The following USP25 variants were observed in gnomAD, a reference collection of about 807,000 sequenced individuals.
The protein encoded by USP25 is ubiquitin specific peptidase 25, also known as ubiquitin carboxyl-terminal hydrolase 25.
USP25 carries 85 observed loss-of-function variants against 158.5 expected under a neutral mutation model. That is an observed-to-expected ratio of 0.54 (90% CI 0.45 to 0.64). The LOEUF is 0.64. Among genes scored for constraint, USP25 ranks in the 30% least tolerant of loss-of-function variants. The pLI, the probability that USP25 is intolerant of heterozygous loss-of-function variation, is 0.00. For missense variants in USP25, 1,242 were observed against 1,327.3 expected, an observed-to-expected ratio of 0.94 and a Z score of 1.00; for synonymous variants, 464 against 460.4, an observed-to-expected ratio of 1.01 and a Z score of -0.10.
intron 21 of USP25, 46 bp from the exon 22 acceptor site, chr21:15,866,220 T>TACAC (rs759596827): frequency 1.3e-5 from 15 of 1,117,368 alleles, no homozygotes; most frequent in Non-Finnish European, 1.9e-5. Context: ...TATATATATA[T>TACAC]ACACACACAT....
intron 7 of USP25, among the ~76,000 whole-genome samples, chr21:15,807,807 T>G (rs959811492): frequency 6.6e-6 from 1 of 152,310 alleles, no homozygotes; most frequent in South Asian, 2.1e-4. Context: ...TTCTAAATAG[T>G]GTCACATTTT....
intron 23 of USP25, among the ~76,000 whole-genome samples, chr21:15,871,497 C>T (rs2039883019): frequency 6.6e-6 from 1 of 152,060 alleles, no homozygotes; most frequent in South Asian, 2.1e-4. Flanking sequence ...ACACAGCTAA[C>T]TAGGAGAAGA....
At chr21:15,764,777 C>T (rs887260665) in intron 2 of USP25, among the ~76,000 whole-genome samples, 20 of 152,078 alleles carry the variant, frequency 1.3e-4, no homozygotes, top group African/African-American at 4.6e-4. Context: ...GGATGAGTCA[C>T]TTAGGAATCG....
intron 1 of USP25, among the ~76,000 whole-genome samples, chr21:15,745,451 A>ATTTTCT (rs1167438680): frequency 7.9e-6 from 1 of 126,668 alleles, no homozygotes; most frequent in South Asian, 2.6e-4. Context: ...TACTTTAACC[A>ATTTTCT]TTTTCTTTTT....
chr21:15,807,397 A>G (rs993546802), intron 7 of USP25, among the ~76,000 whole-genome samples: 2 of 152,246 alleles, frequency 1.3e-5, no homozygotes, highest in Non-Finnish European at 2.9e-5. Context: ...AAGTTATACA[A>G]AAGTATGAAA....
At chr21:15,831,365 T>C (rs2037792528) in intron 15 of USP25, 36 bp from the exon 16 acceptor site, 1 of 1,567,248 alleles carries the variant, frequency 6.4e-7, no homozygotes, top group Non-Finnish European at 8.8e-7. Flanking sequence ...GTAAACTACA[T>C]AATTGCAGTT....
chr21:15,788,417 TAGC>T (rs543741354), intron 4 of USP25, among the ~76,000 whole-genome samples: 71 of 152,240 alleles, frequency 4.7e-4, no homozygotes, highest in Non-Finnish European at 8.2e-4. Flanking sequence ...AACCAAGAAG[TAGC>T]AGCATTTAAT....
Position 15,864,414 on chromosome 21 carries a change from AT to A in USP25, c.2697del (p.Phe899LeufsTer6). The A allele has an allele frequency of 6.2e-7, 1 of 1,605,688 alleles. No individual in the cohort carries two copies. Among genetic ancestry groups the A allele is most frequent in the Non-Finnish European group, 8.5e-7 (1 of 1,177,886 alleles). Reference sequence around the variant, plus strand: ...TTATTGAGAAAACATTACTAGAACAATTTGGAGATAGAAATTTGAGTTTTGA... The same window carrying A: ...TTATTGAGAAAACATTACTAGAACAATTGGAGATAGAAATTTGAGTTTTGA... ...KIIEKTLLEQ[F>X]GDRNLSFDER... On this transcript the variant is annotated frameshift_variant, in exon 21 of 26. Transcript: ENST00000400183. LOFTEE classifies it high-confidence loss of function.
At chr21:15,749,441 A>G (rs961900857) in intron 1 of USP25, among the ~76,000 whole-genome samples, 8 of 152,208 alleles carry the variant, frequency 5.3e-5, no homozygotes, top group Admixed American at 5.2e-4. Context: ...TCCGAGTCAT[A>G]TATGTTCATT....
At chr21:15,829,927 CA>C (rs369903287) in intron 14 of USP25, among the ~76,000 whole-genome samples, 60 of 152,238 alleles carry the variant, frequency 3.9e-4, no homozygotes, top group African/African-American at 1.3e-3. Context: ...CTGATTGGTT[CA>C]GCAGCTTCAC....
rs1568856458 is a variant in USP25, at chr21:15,826,404, T to G, written c.1466+39T>G. ...CTGATGCAAGAGACAGTTGTTACCT[T>G]TATTACACAATAATGTAACTGCTGC... is the stretch of plus-strand genomic sequence containing the variant. On this transcript the variant is annotated intron_variant, in intron 13 of 25. Coordinates refer to ENST00000400183, the MANE Select transcript of USP25 (RefSeq NM_001283041.3). This position sits in a 1 kb window ranked among gnomAD's most constrained non-coding sequence, Gnocchi z 4.8. 1.9e-6 allele frequency: 3 copies of G among 1,604,964 alleles called. No individual in the cohort carries two copies. The highest frequency in any genetic ancestry group is 1.7e-6 in the Non-Finnish European group (2 of 1,173,904).
In USP25 at chr21:15,826,418, T is replaced by G; in HGVS notation, c.1466+53T>G. On this transcript the variant is annotated intron_variant, in intron 13 of 25. Coordinates refer to ENST00000400183, the MANE Select transcript of USP25 (RefSeq NM_001283041.3). This position sits in a 1 kb window ranked among gnomAD's most constrained non-coding sequence, Gnocchi z 4.8. ...AGTTGTTACCTTTATTACACAATAATGTAACTGCTGCCTTTAAAGACAGTT... is the reference window on the plus strand; with the variant it reads ...AGTTGTTACCTTTATTACACAATAAGGTAACTGCTGCCTTTAAAGACAGTT... The G allele has an allele frequency of 6.3e-7, 1 of 1,581,150 alleles. No homozygotes were observed. Among genetic ancestry groups the G allele is most frequent in the Non-Finnish European group, 8.7e-7 (1 of 1,155,322 alleles).
chr21:15,780,618 T>A (rs2034911009), intron 4 of USP25, among the ~76,000 whole-genome samples: 1 of 152,198 alleles, frequency 6.6e-6, no homozygotes, highest in East Asian at 1.9e-4. Flanking sequence ...ACAGATTCTT[T>A]TTTTCCTCAT....
chr21:15,772,114 T>C (rs1446151023), intron 3 of USP25, among the ~76,000 whole-genome samples: 2 of 152,184 alleles, frequency 1.3e-5, no homozygotes, highest in African/African-American at 4.8e-5. Context: ...TAATATAATA[T>C]TTTCATGGGA....
chr21:15,801,900 TG>T (rs1448292555), intron 6 of USP25, among the ~76,000 whole-genome samples: 2 of 151,718 alleles, frequency 1.3e-5, no homozygotes, highest in East Asian at 3.9e-4. Context: ...TAAGTAGACT[TG>T]GCAATTGCTT....
intron 18 of USP25, among the ~76,000 whole-genome samples, chr21:15,844,540 G>A (rs2038489548): frequency 6.6e-6 from 1 of 152,050 alleles, no homozygotes; most frequent in South Asian, 2.1e-4. Context: ...TTTCAAATAT[G>A]CAATATATTA....
intron 16 of USP25, 131 bp downstream of exon 16, chr21:15,831,760 A>C (rs1601063977): frequency 1.3e-6 from 1 of 769,412 alleles, no homozygotes; most frequent in East Asian, 2.7e-5. Flanking sequence ...GGGTTTTGAC[A>C]AGACTGAATT....
intron 4 of USP25, among the ~76,000 whole-genome samples, chr21:15,778,932 A>G (rs890062713): frequency 7.2e-5 from 11 of 152,146 alleles, no homozygotes; most frequent in Non-Finnish European, 1.0e-4. Flanking sequence ...CTTTGGTAAC[A>G]GAATGTACCA....
rs577692969 is a variant in USP25 at position 15,813,247 on chromosome 21, C to T, written c.931+2037C>T. 6.9e-4 allele frequency among the ~76,000 whole-genome samples: 105 copies of T among 152,284 alleles called. 1 individual carries two copies. In the South Asian group the frequency reaches 0.02, roughly 29 times the overall value. ...TCTCATTTACTGCAATAAATATTTT[C>T]GTTTTTTCCACTCATTTCAGATCTA... On this transcript the variant is annotated intron_variant, in intron 9 of 25. Coordinates refer to ENST00000400183, the MANE Select transcript of USP25 (RefSeq NM_001283041.3).
Sources: gnomAD v4.1 joint callset for allele counts (sites outside exome capture counted in the v4.1 genomes callset) on GRCh38, gnomAD v4.1.1 for gene constraint, Gnocchi (gnomAD v3.1) non-coding constraint, MANE v1.5 for transcripts, NCBI Gene and HGNC (gene_info 2026-07-23, HGNC 2026-07-21) for gene names.